Variants in URB1 observed in about 807,000 individuals in gnomAD.
The protein encoded by URB1 is URB1 ribosome biogenesis factor.
URB1 carries 197 observed loss-of-function variants against 242.3 expected under a neutral mutation model. The observed-to-expected ratio is 0.81, with a 90% CI of 0.72 to 0.91. The LOEUF (loss-of-function observed/expected upper bound fraction) is 0.91. Ranked by LOEUF, URB1 falls within the 40% of genes least tolerant of loss-of-function variation. The pLI is 0.00. For synonymous variants in URB1, 1,153 were observed against 1,201.8 expected, an observed-to-expected ratio of 0.96 and a Z score of 0.84; for missense variants, 2,721 against 2,860.5, an observed-to-expected ratio of 0.95 and a Z score of 1.11.
At chr21:32,320,481 G>A (rs1046395823) in intron 35 of URB1, 50 bp downstream of exon 35, 2 of 1,362,762 alleles carry the variant, frequency 1.5e-6, no homozygotes, top group African/African-American at 2.9e-5. Flanking sequence ...CATCGTTTCT[G>A]TTCCTTTCCT....
chr21:32,352,627 C>T, intron 19 of URB1, 83 bp downstream of exon 19: 1 of 1,509,744 alleles, frequency 6.6e-7, no homozygotes. Flanking sequence ...GGCTACCCAA[C>T]TGCACAGCTG....
At position 32,344,558 on chromosome 21, in the gene URB1, A is replaced by C; in HGVS notation, c.4257+12T>G. On this transcript the variant is annotated intron_variant, in intron 24 of 38. Coordinates refer to ENST00000382751, the MANE Select transcript of URB1 (RefSeq NM_014825.3). ...AGAAATTTAATCTGGATCTCTAAGAAAAGACACTTACCAACAACGCATTTA... is the reference window on the plus strand; with the variant it reads ...AGAAATTTAATCTGGATCTCTAAGACAAGACACTTACCAACAACGCATTTA... The C allele has an allele frequency of 1.3e-6, 2 of 1,551,300 alleles. No individual in the cohort carries two copies. Among genetic ancestry groups the C allele is most frequent in the Non-Finnish European group, 1.7e-6 (2 of 1,146,560 alleles).
intron 6 of URB1, among the ~76,000 whole-genome samples, chr21:32,374,514 C>T (rs2033438696): frequency 6.6e-6 from 1 of 152,210 alleles, no homozygotes; most frequent in Non-Finnish European, 1.5e-5. Flanking sequence ...TACAACACTT[C>T]CTCCTCAAGA....
At chr21:32,391,517 G>A (rs949935640) in intron 1 of URB1, among the ~76,000 whole-genome samples, 1 of 152,124 alleles carries the variant, frequency 6.6e-6, no homozygotes, top group Non-Finnish European at 1.5e-5. Context: ...TGATTTTACT[G>A]ACCAATATCT....
intron 9 of URB1, 96 bp from the exon 10 acceptor site, chr21:32,366,851 A>G: frequency 7.4e-7 from 1 of 1,350,388 alleles, no homozygotes; most frequent in Non-Finnish European, 1.0e-6. Context: ...ATTCAATCAA[A>G]TAATTATAGC....
intron 8 of URB1, 21 bp from the exon 9 acceptor site, chr21:32,368,619 G>A: frequency 6.5e-7 from 1 of 1,538,750 alleles, no homozygotes; most frequent in African/African-American, 1.4e-5. Flanking sequence ...AAGACACATG[G>A]GGAGAGGTCA....
At position 32,366,609 on chromosome 21, in the gene URB1, T is replaced by G; in HGVS notation, c.1335+9A>C. ...CAGTTCCAGAAGTGGGGCAACCACA[T>G]GGCCTTACGTTTAATGCTTGGGTGA... On this transcript the variant is annotated intron_variant, in intron 10 of 38. Transcript: ENST00000382751. 6.4e-7 allele frequency: 1 copy of G among 1,551,206 alleles called. No individual in the cohort carries two copies. Among genetic ancestry groups the G allele is most frequent in the African/African-American group, 1.4e-5 (1 of 73,152 alleles).
intron 29 of URB1, 38 bp downstream of exon 29, chr21:32,334,125 T>G: frequency 1.3e-6 from 2 of 1,486,980 alleles, no homozygotes; most frequent in Admixed American, 2.2e-5. Flanking sequence ...GAGGCTGGGG[T>G]GAAGGGGTGG....
chr21:32,354,536 C>A (rs2033196582), intron 17 of URB1, among the ~76,000 whole-genome samples: 1 of 152,158 alleles, frequency 6.6e-6, no homozygotes, highest in Non-Finnish European at 1.5e-5. Context: ...TGTGCCCCAG[C>A]CGCTTTATCT....
chr21:32,317,152 A>G (rs2032701438), intron 37 of URB1, 87 bp from the exon 38 acceptor site: 13 of 1,438,428 alleles, frequency 9.0e-6, no homozygotes, highest in Non-Finnish European at 1.2e-5. Flanking sequence ...AATGGGGGAC[A>G]CGAGGGGCGG....
At chr21:32,373,524 T>C (rs181603620) in intron 7 of URB1, 123 bp downstream of exon 7, 1 of 1,151,436 alleles carries the variant, frequency 8.7e-7, no homozygotes, top group East Asian at 3.0e-5. Flanking sequence ...ATAACCACAG[T>C]CAAAAGAAAC....
At position 32,316,921 on chromosome 21, in the gene URB1, C is replaced by T. The variant is rs1466542254; in HGVS notation, c.6179G>A (p.Arg2060Lys). The T allele has an allele frequency of 6.4e-7, 1 of 1,551,596 alleles. No homozygotes were observed. Among genetic ancestry groups the T allele is most frequent in the Non-Finnish European group, 8.7e-7 (1 of 1,147,004 alleles). The stretch of plus-strand genomic sequence containing the variant: ...TGGTCTCCAGTAAGTCAAGATGGAC[C>T]TCAGGAGGCCCTTGCATGTCTCCAA... ...STLETCKGLLRSILTYWRPVI... is the reference protein window; with the variant it reads ...STLETCKGLLKSILTYWRPVI... Residue 2060 changes from arginine (R) to lysine (K), a missense_variant, in exon 38 of 39, where the codon AGG becomes AAG. By Grantham distance (26) the Arg-to-Lys change is conservative. Transcript: ENST00000382751.
At chr21:32,324,914 G>C (rs911639888) in intron 31 of URB1, among the ~76,000 whole-genome samples, 3 of 151,876 alleles carry the variant, frequency 2.0e-5, no homozygotes, top group Non-Finnish European at 4.4e-5. Context: ...AGTGTGTCGT[G>C]GATAATAGCC....
At chr21:32,335,864 C>A (rs954966500) in intron 28 of URB1, among the ~76,000 whole-genome samples, 3 of 152,226 alleles carry the variant, frequency 2.0e-5, no homozygotes, top group Admixed American at 6.5e-5. Flanking sequence ...TGCCAGTGAG[C>A]GGCACATCCT....
Position 32,320,610 on chromosome 21 carries a change from C to T in URB1, c.5515G>A (p.Ala1839Thr), listed in dbSNP as rs1239649464. The T allele has an allele frequency of 6.4e-7, 1 of 1,551,758 alleles. No individual in the cohort carries two copies. The change falls in exon 35 of 39, where the codon GCC becomes ACC. Residue 1839 changes from alanine to threonine, a missense_variant. Coordinates refer to ENST00000382751, the MANE Select transcript of URB1 (RefSeq NM_014825.3). ...TCATACGCAGATCTGGCAACCTGGGCAGCATTCTGTAGAATTTCCAGAATC... is the reference window on the plus strand; with the variant it reads ...TCATACGCAGATCTGGCAACCTGGGTAGCATTCTGTAGAATTTCCAGAATC... ...NWILEILQNA[A>T]QVARSAYEII...
At chr21:32,318,046 G>A (rs1305342873) in intron 36 of URB1, 129 bp from the exon 37 acceptor site, 3 of 1,265,484 alleles carry the variant, frequency 2.4e-6, no homozygotes, top group African/African-American at 3.0e-5. Context: ...AGGTTTTCCT[G>A]CACAGCAGAC....
At chr21:32,328,604 T>A (rs2032858104) in intron 30 of URB1, among the ~76,000 whole-genome samples, 1 of 152,312 alleles carries the variant, frequency 6.6e-6, no homozygotes, top group Admixed American at 6.5e-5. Flanking sequence ...GTAAATGGAA[T>A]ACATTTGGGA....
chr21:32,317,798 G>T lies in URB1; in HGVS notation c.5912C>A (p.Thr1971Lys). The T allele has an allele frequency of 6.4e-7, 1 of 1,551,980 alleles. No individual in the cohort carries two copies. Among genetic ancestry groups the T allele is most frequent in the Non-Finnish European group, 8.7e-7 (1 of 1,147,054 alleles). The change falls in exon 37 of 39, where the codon ACA becomes AAA. Residue 1971 changes from threonine (T) to lysine (K), a missense_variant. Thr to Lys is a moderately conservative substitution (Grantham distance 78, BLOSUM62 -1). Coordinates refer to ENST00000382751, the MANE Select transcript of URB1 (RefSeq NM_014825.3). ...AAGGACGTCCTTGGTGGAAAGCACTGTCTCATTTACGGTGAATCTGTTCAT... is the reference window on the plus strand; with the variant it reads ...AAGGACGTCCTTGGTGGAAAGCACTTTCTCATTTACGGTGAATCTGTTCAT... ...RDMNRFTVNETVLSTKDVLVL... is the reference protein window; with the variant it reads ...RDMNRFTVNEKVLSTKDVLVL...
chr21:32,323,384 G>A (rs1476456236), intron 32 of URB1, among the ~76,000 whole-genome samples: 2 of 152,196 alleles, frequency 1.3e-5, no homozygotes, highest in African/African-American at 4.8e-5. Flanking sequence ...ACAGCACCCT[G>A]TGGTCCCTGA....
Sources: gnomAD v4.1 joint callset for allele counts (sites outside exome capture counted in the v4.1 genomes callset) on GRCh38, gnomAD v4.1.1 for gene constraint, MANE v1.5 for transcripts, NCBI Gene and HGNC (gene_info 2026-07-23, HGNC 2026-07-21) for gene names.